ADCY2: variants seen among roughly 807,000 people sequenced by gnomAD.
The protein encoded by ADCY2 is adenylate cyclase 2, also known as adenylate cyclase type 2.
ADCY2 carries 31 observed loss-of-function variants against 125.2 expected under a neutral mutation model. The ratio of observed to expected loss-of-function variants is 0.25; its 90% CI spans 0.19 to 0.33. The LOEUF (loss-of-function observed/expected upper bound fraction) is 0.33. ADCY2 is among the 10% of genes least tolerant of loss of function. The pLI, the probability that ADCY2 is intolerant of heterozygous loss-of-function variation, is 1.00. For missense variants in ADCY2, 904 were observed against 1,418.2 expected (o/e 0.64, Z 5.82); for synonymous variants, 512 against 548.4 (o/e 0.93, Z 0.93).
intron 3 of ADCY2, among the ~76,000 whole-genome samples, chr5:7,553,717 C>T (rs1735413340): frequency 6.6e-6 from 1 of 152,096 alleles, no homozygotes; most frequent in African/African-American, 2.4e-5. Context: ...TGCCCCAGGG[C>T]TTGGCGAGAT....
At chr5:7,761,671 A>T (rs1262381103) in intron 16 of ADCY2, among the ~76,000 whole-genome samples, 2 of 152,182 alleles carry the variant, frequency 1.3e-5, no homozygotes, top group Non-Finnish European at 2.9e-5. Flanking sequence ...ATCTAGTTTG[A>T]CCTTATAAAA....
At chr5:7,667,749 A>G (rs902074030) in intron 4 of ADCY2, among the ~76,000 whole-genome samples, 2 of 152,224 alleles carry the variant, frequency 1.3e-5, no homozygotes, top group African/African-American at 4.8e-5. Flanking sequence ...CCATAGTTGG[A>G]AAGGATATTG....
chr5:7,401,864 C>T (rs917346575), intron 1 of ADCY2, among the ~76,000 whole-genome samples: 1 of 152,222 alleles, frequency 6.6e-6, no homozygotes, highest in Non-Finnish European at 1.5e-5. Context: ...TTGTCAGTGA[C>T]AGGAGAGTCT....
At chr5:7,665,546 T>A (rs1739685049) in intron 4 of ADCY2, among the ~76,000 whole-genome samples, 1 of 152,152 alleles carries the variant, frequency 6.6e-6, no homozygotes, top group Admixed American at 6.5e-5. Flanking sequence ...GTCAGTTACC[T>A]TCATCATCGT....
chr5:7,716,507 A>G (rs749558848), intron 11 of ADCY2, among the ~76,000 whole-genome samples: 5 of 152,210 alleles, frequency 3.3e-5, no homozygotes, highest in Non-Finnish European at 7.4e-5. Flanking sequence ...GTTGCCTTGT[A>G]AATGCCTAGT....
intron 16 of ADCY2, among the ~76,000 whole-genome samples, chr5:7,760,882 C>A (rs183475348): frequency 5.3e-4 from 81 of 152,224 alleles, no homozygotes; most frequent in Non-Finnish European, 8.1e-4. Flanking sequence ...AGCTTTGTAC[C>A]CTTTGACCTA....
At chr5:7,789,305 C>T (rs929720401) in intron 19 of ADCY2, among the ~76,000 whole-genome samples, 4 of 152,246 alleles carry the variant, frequency 2.6e-5, no homozygotes, top group African/African-American at 9.6e-5. Flanking sequence ...ATGTATTCAT[C>T]ATTTATATTC....
At chr5:7,699,948 C>T (rs1377703342) in intron 7 of ADCY2, among the ~76,000 whole-genome samples, 1 of 152,154 alleles carries the variant, frequency 6.6e-6, no homozygotes, top group Non-Finnish European at 1.5e-5. Context: ...TATAGGAAGG[C>T]ACGGTTTTGT....
chr5:7,578,694 G>C (rs560327685), intron 3 of ADCY2, among the ~76,000 whole-genome samples: 3 of 152,218 alleles, frequency 2.0e-5, no homozygotes, highest in Non-Finnish European at 4.4e-5. Context: ...AAGCTAGGAG[G>C]CTCCTCTGTA....
At chr5:7,593,561 G>GAA (rs112451499) in intron 3 of ADCY2, among the ~76,000 whole-genome samples, 36 of 148,524 alleles carry the variant, frequency 2.4e-4, no homozygotes, top group African/African-American at 8.4e-4. Context: ...GATAGGATGA[G>GAA]AAAAAAAAAA....
chr5:7,546,448 T>C (rs1735150385), intron 3 of ADCY2, among the ~76,000 whole-genome samples: 1 of 152,156 alleles, frequency 6.6e-6, no homozygotes, highest in South Asian at 2.1e-4. Flanking sequence ...AGACCGAGCC[T>C]GGGAGAGATG....
chr5:7,499,350 A>G (rs1050384324), intron 2 of ADCY2, among the ~76,000 whole-genome samples: 5 of 152,044 alleles, frequency 3.3e-5, no homozygotes, highest in Non-Finnish European at 1.5e-5. Flanking sequence ...GAGGGGCACA[A>G]AGACAGGTTT....
chr5:7,520,691 A>T (rs765938843), intron 2 of ADCY2, 47 bp from the exon 3 acceptor site: 1 of 1,606,338 alleles, frequency 6.2e-7, no homozygotes, highest in East Asian at 2.2e-5. Context: ...GGCTCTTAGA[A>T]ACCAGAATAT....
At chr5:7,803,121 C>G (rs924172410) in intron 21 of ADCY2, among the ~76,000 whole-genome samples, 1 of 152,182 alleles carries the variant, frequency 6.6e-6, no homozygotes, top group African/African-American at 2.4e-5. Context: ...TCTGTCACCA[C>G]CATCATCACT....
chr5:7,399,920 T>A (rs1204965417), intron 1 of ADCY2, among the ~76,000 whole-genome samples: 2 of 152,200 alleles, frequency 1.3e-5, no homozygotes, highest in East Asian at 1.9e-4. Context: ...ACTTGGTTTT[T>A]AATTTTTTTC....
At chr5:7,416,989 C>T (rs187830956) in intron 2 of ADCY2, among the ~76,000 whole-genome samples, 23 of 152,250 alleles carry the variant, frequency 1.5e-4, no homozygotes, top group African/African-American at 5.3e-4. Context: ...ATGAAAAGTC[C>T]ATTTGGGTTC....
At chr5:7,581,837 AAAAAG>A (rs1470022358) in intron 3 of ADCY2, among the ~76,000 whole-genome samples, 1 of 149,462 alleles carries the variant, frequency 6.7e-6, no homozygotes, top group African/African-American at 2.5e-5. Flanking sequence ...AAAAAAAAAG[AAAAAG>A]AAAAAGAAAA....
At chr5:7,647,252 C>T (rs1240500539) in intron 4 of ADCY2, among the ~76,000 whole-genome samples, 1 of 152,166 alleles carries the variant, frequency 6.6e-6, no homozygotes, top group African/African-American at 2.4e-5. Flanking sequence ...ACACTCTGTG[C>T]CTCAGTTTTC....
chr5:7,475,917 A>T (rs10040515), intron 2 of ADCY2, among the ~76,000 whole-genome samples: 16,532 of 152,208 alleles, frequency 0.11, 1,091 homozygotes, highest in Admixed American at 0.18. Context: ...TCTAATATAT[A>T]CATTCTTCTA....
Sources: allele counts gnomAD v4.1 joint callset (sites outside exome capture counted in the v4.1 genomes callset), GRCh38; gene constraint gnomAD v4.1.1; transcripts MANE v1.5; gene names NCBI Gene and HGNC (gene_info 2026-07-23, HGNC 2026-07-21).